DGKH: variants seen among roughly 807,000 people sequenced by gnomAD.
The protein encoded by DGKH is DAG kinase eta.
DGKH carries 90 observed loss-of-function variants against 159.3 expected under a neutral mutation model. The observed-to-expected ratio is 0.57, with a 90% CI of 0.48 to 0.67. DGKH has a LOEUF of 0.67. Among genes scored for constraint, DGKH ranks in the 30% least tolerant of loss-of-function variants. The pLI is 0.00. For missense variants in DGKH, 1,181 were observed against 1,506.1 expected (o/e 0.78, Z 3.57); for synonymous variants, 536 against 553.8 (o/e 0.97, Z 0.45).
chr13:42,203,131 T>A (rs978410101), intron 20 of DGKH, among the ~76,000 whole-genome samples: 1 of 152,230 alleles, frequency 6.6e-6, no homozygotes, highest in African/African-American at 2.4e-5. Flanking sequence ...TTAATAGTAA[T>A]TTCTGTATTT....
At chr13:42,163,264 G>A (rs1226763179) in intron 7 of DGKH, among the ~76,000 whole-genome samples, 6 of 152,028 alleles carry the variant, frequency 3.9e-5, no homozygotes, top group Non-Finnish European at 7.4e-5. Context: ...GTCTATCATT[G>A]TTGGACATTT....
intron 1 of DGKH, chr13:42,070,183 T>C (rs1882863751): frequency 1.1e-6 from 1 of 947,410 alleles, no homozygotes; most frequent in African/African-American, 1.6e-5. Flanking sequence ...TATTAACCAA[T>C]CCATGGGGCT....
chr13:42,131,591 C>T (rs1317694271), intron 3 of DGKH, among the ~76,000 whole-genome samples: 6 of 152,134 alleles, frequency 3.9e-5, no homozygotes, highest in African/African-American at 7.2e-5. Flanking sequence ...AAAAGATAAT[C>T]GAAACTGAAC....
At chr13:42,198,689 A>T in intron 18 of DGKH, 94 bp downstream of exon 18, 36 of 1,072,560 alleles carry the variant, frequency 3.4e-5, no homozygotes, top group Admixed American at 2.2e-5. Context: ...TATTACAATA[A>T]ATATGGTCCC....
intron 1 of DGKH, among the ~76,000 whole-genome samples, chr13:42,094,717 G>A (rs1310160689): frequency 1.3e-5 from 2 of 152,078 alleles, no homozygotes; most frequent in Admixed American, 1.3e-4. Context: ...CCAAAAGAGA[G>A]ATTCCAAATT....
At position 42,210,679 on chromosome 13, in the gene DGKH, G is replaced by A. The variant is rs752879137; in HGVS notation, c.2928G>A (p.Leu976=). The A allele has an allele frequency of 2.5e-6, 4 of 1,612,052 alleles. No homozygotes were observed. The highest frequency in any genetic ancestry group is 3.3e-5 in the Admixed American group (2 of 60,000). ...GTAAACCAGTTCTCCGAACCCATTT[G>A]TACATCCATCACGCCATTGACTTGG... ...DSGKPVLRTH[L]YIHHAIDLAT... Residue 976 remains leucine (L), a synonymous_variant, in exon 24 of 30, where the codon TTG becomes TTA. Transcript: ENST00000337343.
At chr13:42,105,759 T>C (rs796954836) in intron 1 of DGKH, among the ~76,000 whole-genome samples, 3 of 152,252 alleles carry the variant, frequency 2.0e-5, no homozygotes, top group Non-Finnish European at 2.9e-5. Context: ...GTAAATGAAA[T>C]TAGGTGTCAG....
At chr13:42,056,860 C>T (rs1251200271) in intron 1 of DGKH, among the ~76,000 whole-genome samples, 2 of 152,136 alleles carry the variant, frequency 1.3e-5, no homozygotes, top group Non-Finnish European at 2.9e-5. Flanking sequence ...TTTCCTCTCC[C>T]TTATTTCCCC....
chr13:42,218,573 A>C lies in DGKH; in HGVS notation c.3214-657A>C, dbSNP rs570119082. ...ACCCAGGCTGGAGTGCAGTGGCGCTATCTCTGCTCACTGCAATCTCCACTT... is the reference window on the plus strand; with the variant it reads ...ACCCAGGCTGGAGTGCAGTGGCGCTCTCTCTGCTCACTGCAATCTCCACTT... On this transcript the variant is annotated intron_variant, in intron 26 of 29. Transcript: ENST00000337343. Among the ~76,000 whole-genome samples the C allele has an allele frequency of 4.4e-5, 6 of 135,806 alleles. No homozygotes were observed. In the East Asian group the frequency reaches 8.6e-4, roughly 19 times the overall value. 89.1% of individuals were successfully genotyped at this position (135,806 alleles called of 152,430 possible). A position where few individuals can be genotyped will look rare whatever the true frequency, so the allele number is the denominator to read the frequency against.
intron 1 of DGKH, among the ~76,000 whole-genome samples, chr13:42,087,600 C>T (rs1000556159): frequency 2.0e-5 from 3 of 152,118 alleles, no homozygotes; most frequent in Non-Finnish European, 2.9e-5. Flanking sequence ...TCAGATTCAA[C>T]TTCTAGTGAT....
At position 42,151,496 on chromosome 13, in the gene DGKH, T is replaced by TATATATATACAC. The variant is rs1475785009; in HGVS notation, c.385-3795_385-3794insATATATATACAC. ...ATTCCATGGTGTGTGTGTGTGTGTG[T>TATATATATACAC]GTGTGTGTGTATACACATGTATATA... On this transcript the variant is annotated intron_variant, in intron 3 of 29. Transcript: ENST00000337343. 4.3e-5 allele frequency among the ~76,000 whole-genome samples: 6 copies of TATATATATACAC among 139,946 alleles called. No homozygotes were observed. The East Asian group carries it at 1.6e-3, about 37-fold the overall frequency. 91.8% of individuals were successfully genotyped at this position (139,946 alleles called of 152,430 possible).
chr13:42,207,097 CTT>C, intron 21 of DGKH, among the ~76,000 whole-genome samples: 1 of 130,708 alleles, frequency 7.7e-6, no homozygotes, highest in African/African-American at 3.0e-5. Context: ...TTCTTTCTTT[CTT>C]TCTTTCTTTC....
chr13:42,130,025 G>A (rs1325456829), intron 3 of DGKH, among the ~76,000 whole-genome samples: 2 of 152,068 alleles, frequency 1.3e-5, no homozygotes, highest in African/African-American at 2.4e-5. Flanking sequence ...CATCGTTCAG[G>A]CAGTTGCCAT....
chr13:42,168,092 T>C (rs1956353853), intron 9 of DGKH, among the ~76,000 whole-genome samples: 1 of 152,178 alleles, frequency 6.6e-6, no homozygotes, highest in Admixed American at 6.5e-5. Context: ...TGGTTTGTAA[T>C]TCTTAAGGAA....
intron 20 of DGKH, among the ~76,000 whole-genome samples, chr13:42,203,651 C>T (rs899154862): frequency 6.6e-6 from 1 of 152,104 alleles, no homozygotes; most frequent in African/African-American, 2.4e-5. Context: ...TTTGCAACAT[C>T]ATGAACCACA....
chr13:42,154,118 TTTTG>T (rs1185236442), intron 3 of DGKH, among the ~76,000 whole-genome samples: 8 of 152,240 alleles, frequency 5.3e-5, no homozygotes, highest in African/African-American at 1.9e-4. Flanking sequence ...GAAGGATTCT[TTTTG>T]TTTGTTTGTT....
chr13:42,133,795 A>C (rs568043502), intron 3 of DGKH, among the ~76,000 whole-genome samples: 1 of 152,230 alleles, frequency 6.6e-6, no homozygotes, highest in Non-Finnish European at 1.5e-5. Flanking sequence ...TTTAGAGCAA[A>C]TGAATTTGGT....
At chr13:42,248,966 C>G (rs1958601076) in intron 29 of DGKH, among the ~76,000 whole-genome samples, 1 of 152,108 alleles carries the variant, frequency 6.6e-6, no homozygotes, top group Non-Finnish European at 1.5e-5. Context: ...TGCATACACA[C>G]ACATATATAC....
chr13:42,135,564 A>G (rs1347929770), intron 3 of DGKH, among the ~76,000 whole-genome samples: 1 of 151,364 alleles, frequency 6.6e-6, no homozygotes, highest in Non-Finnish European at 1.5e-5. Flanking sequence ...AAGTTCTACC[A>G]TGGCATTTTC....
Sources: allele counts gnomAD v4.1 joint callset (sites outside exome capture counted in the v4.1 genomes callset), GRCh38; gene constraint gnomAD v4.1.1; transcripts MANE v1.5; gene names NCBI Gene and HGNC (gene_info 2026-07-23, HGNC 2026-07-21).